The following PLK1 variants were observed in gnomAD, a reference collection of about 807,000 sequenced individuals.
PLK1 encodes polo like kinase 1.
A neutral mutation model predicts 56.7 loss-of-function variants in PLK1; 6 were observed. That is an observed-to-expected ratio of 0.11 (90% CI 0.06 to 0.21). The LOEUF (loss-of-function observed/expected upper bound fraction) is 0.21, where lower values mean the gene tolerates loss of function less well. Ranked by LOEUF, PLK1 falls within the 10% of genes least tolerant of loss-of-function variation. The probability of loss-of-function intolerance (pLI) is 1.00; values close to 1 mark genes in which losing one functional copy is unlikely to be tolerated. For synonymous variants in PLK1, 298 were observed against 325.0 expected, an observed-to-expected ratio of 0.92 and a Z score of 0.89; for missense variants, 546 against 814.4, an observed-to-expected ratio of 0.67 and a Z score of 4.01.
chr16:23,684,884 T>C (rs1246726743), intron 5 of PLK1, among the ~76,000 whole-genome samples: 1 of 142,616 alleles, frequency 7.0e-6, no homozygotes, highest in Admixed American at 7.2e-5. Context: ...GGTCTCAATC[T>C]CCTGACCTCG....
chr16:23,680,115 C>T lies in PLK1; in HGVS notation c.440C>T (p.Ala147Val). The change falls in exon 2 of 10, where the codon GCC (alanine) becomes GTC (valine). Residue 147 changes from alanine (A) to valine (V), a missense_variant. Ala to Val is a moderately conservative substitution (Grantham distance 64). Coordinates refer to ENST00000300093, the MANE Select transcript of PLK1 (RefSeq NM_005030.6). The stretch of plus-strand genomic sequence containing the variant: ...CTGGAGCTGCACAAGAGGAGGAAAG[C>T]CCTGACTGAGCCTGAGGCCCGATAC... ...SLLELHKRRK[A>V]LTEPEARYYL... 6.2e-7 allele frequency: 1 copy of T among 1,614,024 alleles called. No individual in the cohort carries two copies. Among genetic ancestry groups the T allele is most frequent in the South Asian group, 1.1e-5 (1 of 91,078 alleles).
intron 5 of PLK1, among the ~76,000 whole-genome samples, chr16:23,685,765 T>C (rs1264959001): frequency 6.6e-6 from 1 of 152,038 alleles, no homozygotes; most frequent in African/African-American, 2.4e-5. Flanking sequence ...TCGACCAGGC[T>C]TATCTCAAAC....
rs184052459 is a variant in PLK1 at position 23,680,829 on chromosome 16, G to A, written c.578-85G>A. ...GTGGGATCAGATGGCCCTGGTTCTGGATGGTCAAACCTTAACTAGCCTTCT... is the reference window on the plus strand; with the variant it reads ...GTGGGATCAGATGGCCCTGGTTCTGAATGGTCAAACCTTAACTAGCCTTCT... On this transcript the variant is annotated intron_variant, in intron 2 of 9. Transcript: ENST00000300093. 3.6e-3 allele frequency: 4,841 copies of A among 1,352,362 alleles called. 21 individuals carry two copies. Among genetic ancestry groups the A allele is most frequent in the Non-Finnish European group, 4.5e-3 (4,447 of 978,680 alleles). 83.8% of individuals were successfully genotyped at this position (1,352,362 alleles called of 1,614,324 possible). A position where few individuals can be genotyped will look rare whatever the true frequency, so the allele number is the denominator to read the frequency against.
At position 23,690,055 on chromosome 16, in the gene PLK1, G is replaced by A. The variant is rs763081575; in HGVS notation, c.1804G>A (p.Ala602Thr). ...SSRSASNRLK[A>T]S is the part of the protein sequence containing the mutation. ...ACGCTCGGCCAGCAACCGTCTCAAGGCCTCCTAATAGCTGCCCTCCCCTCC... is the reference window on the plus strand; with the variant it reads ...ACGCTCGGCCAGCAACCGTCTCAAGACCTCCTAATAGCTGCCCTCCCCTCC... The change falls in exon 10 of 10, where the codon GCC becomes ACC. Residue 602 changes from alanine to threonine, a missense_variant. Ala to Thr is a moderately conservative substitution (Grantham distance 58). Coordinates refer to ENST00000300093, the MANE Select transcript of PLK1 (RefSeq NM_005030.6). The A allele has an allele frequency of 2.5e-6, 4 of 1,608,712 alleles. No homozygotes were observed. The South Asian group carries it at 4.4e-5, about 18-fold the overall frequency.
intron 5 of PLK1, among the ~76,000 whole-genome samples, chr16:23,685,454 T>A (rs1368544912): frequency 1.3e-5 from 2 of 151,848 alleles, no homozygotes; most frequent in African/African-American, 4.8e-5. Context: ...AATTAAAAAA[T>A]TTTTTTCTTT....
chr16:23,689,553 C>T lies in PLK1; in HGVS notation c.1485C>T (p.Ala495=). ...GCGAGCACTTGCTGAAGGCAGGTGC[C>T]AACATCACGCCGCGCGAAGGTGATG... ...YMSEHLLKAG[A]NITPREGDEL... is the part of the protein sequence containing the mutation. The change falls in exon 9 of 10, where the codon GCC becomes GCT. Residue 495 remains alanine (A), a synonymous_variant. Transcript: ENST00000300093. The surrounding 1 kb of genome is among the most constrained non-coding windows in gnomAD (Gnocchi z 4.8). 1 of 1,613,646 alleles carries T rather than the reference C, an allele frequency of 6.2e-7. No individual in the cohort carries two copies. The highest frequency in any genetic ancestry group is 1.1e-5 in the South Asian group (1 of 91,080).
chr16:23,683,973 C>G lies in PLK1; in HGVS notation c.920C>G (p.Ser307Cys). The change falls in exon 5 of 10, where the codon TCT (serine) becomes TGT (cysteine). Residue 307 changes from serine (S) to cysteine (C), a missense_variant. Ser to Cys is a moderately radical substitution (Grantham distance 112, BLOSUM62 -1). This residue lies in a region of PLK1 where 157 missense variants were observed against 184.0 expected (regional missense o/e 0.85). Transcript: ENST00000300093. ...CTGCTTAATGACGAGTTCTTTACTT[C>G]TGGCTATATCCCTGCCCGTCTCCCC... ...NELLNDEFFT[S>C]GYIPARLPIT... The G allele has an allele frequency of 6.2e-7, 1 of 1,614,100 alleles. No homozygotes were observed. The highest frequency in any genetic ancestry group is 1.3e-5 in the African/African-American group (1 of 75,028).
chr16:23,684,683 C>A (rs117890820), intron 5 of PLK1, among the ~76,000 whole-genome samples: 2,023 of 152,260 alleles, frequency 0.013, 23 homozygotes, highest in Non-Finnish European at 0.02. Context: ...TTTCATGATT[C>A]ATTGAAAAAC....
intron 6 of PLK1, among the ~76,000 whole-genome samples, chr16:23,687,976 G>A (rs1959455804): frequency 6.6e-6 from 1 of 152,124 alleles, no homozygotes; most frequent in African/African-American, 2.4e-5. Context: ...GACACCACAT[G>A]GCTCACACTG....
intron 3 of PLK1, among the ~76,000 whole-genome samples, 168 bp downstream of exon 3, chr16:23,681,226 A>C (rs761383099): frequency 6.6e-6 from 1 of 152,180 alleles, no homozygotes; most frequent in Non-Finnish European, 1.5e-5. Flanking sequence ...TTTCCCTGTC[A>C]CTGGTGTATC....
intron 2 of PLK1, 129 bp downstream of exon 2, chr16:23,680,381 C>G: frequency 1.5e-6 from 1 of 673,352 alleles, no homozygotes; most frequent in East Asian, 2.6e-5. Context: ...TTTTTTTGTG[C>G]CCCAATGCAA....
intron 5 of PLK1, chr16:23,687,230 G>C (rs924939797): frequency 2.9e-5 from 9 of 306,344 alleles, no homozygotes; most frequent in African/African-American, 4.3e-5. Flanking sequence ...TGAGTGGCAG[G>C]TCATCCTGCA....
Position 23,688,765 on chromosome 16 carries a change from G to C in PLK1, c.1270+20G>C. The C allele has an allele frequency of 6.4e-7, 1 of 1,564,564 alleles. No individual in the cohort carries two copies. Among genetic ancestry groups the C allele is most frequent in the Non-Finnish European group, 8.8e-7 (1 of 1,134,766 alleles). On this transcript the variant is annotated intron_variant, in intron 7 of 9. Coordinates refer to ENST00000300093, the MANE Select transcript of PLK1 (RefSeq NM_005030.6). ...GCCTTGGTAGGTTTCTTCCAGAACA[G>C]GTGGGTGACTCAGGCACAGCCAGGT...
At position 23,689,713 on chromosome 16, in the gene PLK1, G is replaced by T. The variant is rs951524786; in HGVS notation, c.1608+37G>T. Reference sequence around the variant, plus strand: ...GTCACCAGGCGCAGGAGAGAGCTGGGGTAGGCTCCGCATGCCTGGCAGTGG... The same window carrying T: ...GTCACCAGGCGCAGGAGAGAGCTGGTGTAGGCTCCGCATGCCTGGCAGTGG... On this transcript the variant is annotated intron_variant, in intron 9 of 9. Transcript: ENST00000300093. The surrounding 1 kb of genome is among the most constrained non-coding windows in gnomAD (Gnocchi z 4.8). 1 of 1,575,858 alleles carries T rather than the reference G, an allele frequency of 6.3e-7. No individual in the cohort carries two copies. Among genetic ancestry groups the T allele is most frequent in the African/African-American group, 1.3e-5 (1 of 74,242 alleles).
At position 23,679,004 on chromosome 16, in the gene PLK1, A is replaced by G. The variant is rs1443412261; in HGVS notation, c.72A>G (p.Gly24=). The part of the protein sequence containing the change: ...PADPGKAGVP[G]VAAPGAPAAA... ...ACCCTGGGAAAGCCGGGGTCCCCGG[A>G]GTTGCAGCTCCCGGAGCTCCGGCGG... is the stretch of plus-strand genomic sequence containing the variant. Residue 24 remains glycine (G), a synonymous_variant, in exon 1 of 10, where the codon GGA becomes GGG. Transcript: ENST00000300093. 6.2e-7 allele frequency: 1 copy of G among 1,606,384 alleles called. No individual in the cohort carries two copies. The highest frequency in any genetic ancestry group is 1.3e-5 in the African/African-American group (1 of 74,928).
In PLK1 at chr16:23,689,638, C is replaced by G; in HGVS notation, c.1570C>G (p.His524Asp). 6.2e-7 allele frequency: 1 copy of G among 1,611,504 alleles called. No individual in the cohort carries two copies. Among genetic ancestry groups the G allele is most frequent in the Non-Finnish European group, 8.5e-7 (1 of 1,179,076 alleles). Reference sequence around the variant, plus strand: ...CCGCACCCGCAGCGCCATCATCCTGCACCTCAGCAACGGCAGCGTGCAGAT... The same window carrying G: ...CCGCACCCGCAGCGCCATCATCCTGGACCTCAGCAACGGCAGCGTGCAGAT... The part of the protein sequence containing the change: ...WFRTRSAIIL[H>D]LSNGSVQINF... The change falls in exon 9 of 10, where the codon CAC becomes GAC. Residue 524 changes from histidine to aspartate, a missense_variant. Physicochemically the swap from His to Asp is moderately conservative, Grantham distance 81 (BLOSUM62 -1). This residue lies in a region of PLK1 where 113 missense variants were observed against 202.0 expected (regional missense o/e 0.56). Transcript: ENST00000300093. The surrounding 1 kb of genome is among the most constrained non-coding windows in gnomAD (Gnocchi z 4.8).
At chr16:23,685,065 T>C (rs59301322) in intron 5 of PLK1, among the ~76,000 whole-genome samples, 9,189 of 146,030 alleles carry the variant, frequency 0.063, 604 homozygotes, top group African/African-American at 0.16. Flanking sequence ...TCACTAAGGA[T>C]ACATAGTTTT....
chr16:23,683,741 C>G, intron 4 of PLK1, 129 bp from the exon 5 acceptor site: 1 of 742,486 alleles, frequency 1.3e-6, no homozygotes. Flanking sequence ...AAGTTGTGAA[C>G]CACTGACCTG....
chr16:23,678,947 G>A lies in PLK1; in HGVS notation c.15G>A (p.Val5=), dbSNP rs780298441. Residue 5 remains valine, a synonymous_variant, in exon 1 of 10, where the codon GTG becomes GTA. Transcript: ENST00000300093. The part of the protein sequence containing the change: MSAA[V]TAGKLARAPA... ...GCTTCGGGAGCATGAGTGCTGCAGTGACTGCAGGGAAGCTGGCACGGGCAC... is the reference window on the plus strand; with the variant it reads ...GCTTCGGGAGCATGAGTGCTGCAGTAACTGCAGGGAAGCTGGCACGGGCAC... 6.4e-7 allele frequency: 1 copy of A among 1,561,282 alleles called. No individual in the cohort carries two copies. Among genetic ancestry groups the A allele is most frequent in the Non-Finnish European group, 8.7e-7 (1 of 1,153,248 alleles).
Sources: gnomAD v4.1 joint callset for allele counts (sites outside exome capture counted in the v4.1 genomes callset) on GRCh38, gnomAD v4.1.1 for gene constraint, gnomAD v4.1.1 regional missense constraint, Gnocchi (gnomAD v3.1) non-coding constraint, MANE v1.5 for transcripts, NCBI Gene and HGNC (gene_info 2026-07-23, HGNC 2026-07-21) for gene names.